Variants in SPTBN2 observed in about 807,000 individuals in gnomAD.
SPTBN2 encodes the protein spectrin beta, non-erythrocytic 2, also known as spectrin beta chain, non-erythrocytic 2.
Under a neutral mutation model 284.2 loss-of-function variants are expected in SPTBN2, and 107 were observed. That is an observed-to-expected ratio of 0.38 (90% CI 0.32 to 0.44). SPTBN2 has a LOEUF of 0.44. Among genes scored for constraint, SPTBN2 ranks in the 20% least tolerant of loss-of-function variants. SPTBN2 has a pLI of 1.00. For synonymous variants in SPTBN2, 1,289 were observed against 1,354.8 expected, an observed-to-expected ratio of 0.95 and a Z score of 1.07; for missense variants, 2,569 against 3,287.1, an observed-to-expected ratio of 0.78 and a Z score of 5.34.
At chr11:66,719,058 G>A (rs1014648337) in intron 3 of SPTBN2, among the ~76,000 whole-genome samples, 1 of 152,270 alleles carries the variant, frequency 6.6e-6, no homozygotes, top group Non-Finnish European at 1.5e-5. Context: ...GGAACAGCGA[G>A]GGCGACCCCT....
rs1942074456 is a variant in SPTBN2, at chr11:66,715,058, G to C, written c.483+164C>G. On this transcript the variant is annotated intron_variant, in intron 5 of 37. Transcript: ENST00000533211. This position sits in a 1 kb window ranked among gnomAD's most constrained non-coding sequence, Gnocchi z 5.3. ...GCTGGTTTCTACCCTGCTGAAAGAG[G>C]GGAGTCCACTGATCTGGTGCTTGGA... Among the ~76,000 whole-genome samples, 1 of 152,220 alleles carries C rather than the reference G, an allele frequency of 6.6e-6. No homozygotes were observed. Among genetic ancestry groups the C allele is most frequent in the Non-Finnish European group, 1.5e-5 (1 of 68,054 alleles).
chr11:66,739,283 G>C (rs1942878598), intron 1 of SPTBN2, among the ~76,000 whole-genome samples: 1 of 152,144 alleles, frequency 6.6e-6, no homozygotes, highest in Non-Finnish European at 1.5e-5. Context: ...CTCAACTAAG[G>C]TTCCAGAAAA....
At chr11:66,735,332 C>CAA (rs550747095) in intron 1 of SPTBN2, among the ~76,000 whole-genome samples, 1 of 112,290 alleles carries the variant, frequency 8.9e-6, no homozygotes, top group African/African-American at 3.3e-5. Flanking sequence ...GACACCGTCT[C>CAA]AAAAAAAAAA....
rs577075100 is a variant in SPTBN2, at chr11:66,704,586, T to G, written c.2678+12A>C. 2.2e-4 allele frequency: 328 copies of G among 1,485,994 alleles called. 2 individuals carry two copies. In the South Asian group the frequency reaches 3.5e-3, roughly 16 times the overall value. The allele number at this position is 1,485,994 out of a possible 1,614,324, so 92.1% of individuals were successfully genotyped here. A position where few individuals can be genotyped will look rare whatever the true frequency, so the allele number is the denominator to read the frequency against. Reference sequence around the variant, plus strand: ...CCCAAGGCTGGTCCCACTAGGAGCCTGAGGGGCCTACCTCTGCTGCACGAC... The same window carrying G: ...CCCAAGGCTGGTCCCACTAGGAGCCGGAGGGGCCTACCTCTGCTGCACGAC... On this transcript the variant is annotated intron_variant, in intron 15 of 37. Transcript: ENST00000533211.
At chr11:66,732,046 G>A (rs575119017), upstream of SPTBN2, among the ~76,000 whole-genome samples, 11 of 152,304 alleles carry the variant, frequency 7.2e-5, no homozygotes, top group South Asian at 2.3e-3. Context: ...AATATGAGAA[G>A]CATTAACCAG....
At chr11:66,723,596 G>A (rs1942512609) in intron 1 of SPTBN2, among the ~76,000 whole-genome samples, 1 of 152,186 alleles carries the variant, frequency 6.6e-6, no homozygotes. Context: ...TTAATGAGAT[G>A]CAAGAGAGCT....
intron 1 of SPTBN2, among the ~76,000 whole-genome samples, chr11:66,740,676 G>A (rs1455132843): frequency 6.6e-6 from 1 of 152,190 alleles, no homozygotes; most frequent in Non-Finnish European, 1.5e-5. Context: ...CTTTGCTCAG[G>A]ACCCGAGAGA....
intron 1 of SPTBN2, among the ~76,000 whole-genome samples, chr11:66,734,484 G>T (rs139271179): frequency 6.6e-6 from 1 of 152,080 alleles, no homozygotes; most frequent in Non-Finnish European, 1.5e-5. Flanking sequence ...AGTTTCCCCA[G>T]TGTTTATGGG....
Position 66,707,973 on chromosome 11 carries a change from C to A in SPTBN2, c.1351-155G>T, listed in dbSNP as rs778305372. ...CCACCCCCATCCTGTCTCACCAACC[C>A]TCTCTCCTGTCCCACCCTCTGGCCC... is the stretch of plus-strand genomic sequence containing the variant. On this transcript the variant is annotated intron_variant, in intron 12 of 37. Coordinates refer to ENST00000533211, the MANE Select transcript of SPTBN2 (RefSeq NM_006946.4). The surrounding 1 kb of genome is among the most constrained non-coding windows in gnomAD (Gnocchi z 4.9). Among the ~76,000 whole-genome samples, 1 of 152,196 alleles carries A rather than the reference C, an allele frequency of 6.6e-6. No individual in the cohort carries two copies. The highest frequency in any genetic ancestry group is 1.5e-5 in the Non-Finnish European group (1 of 68,028).
At position 66,687,433 on chromosome 11, in the gene SPTBN2, G is replaced by A. The variant is rs748655094; in HGVS notation, c.6716C>T (p.Ala2239Val). 1 of 1,605,906 alleles carries A rather than the reference G, an allele frequency of 6.2e-7. No homozygotes were observed. The highest frequency in any genetic ancestry group is 1.7e-5 in the Admixed American group (1 of 60,026). Residue 2239 changes from alanine to valine, a missense_variant, in exon 35 of 38, where the codon GCC becomes GTC. Ala to Val is a moderately conservative substitution (Grantham distance 64). Coordinates refer to ENST00000533211, the MANE Select transcript of SPTBN2 (RefSeq NM_006946.4). The surrounding 1 kb of genome is among the most constrained non-coding windows in gnomAD (Gnocchi z 5.2). ...GGCTCCAGAGAGGCTGTACCTGTTG[G>A]CAGCCTTCTTCCCGAAGGCCTCCAT... ...QEMEAFGKKA[A>V]NRSWQNVYCV...
upstream of SPTBN2, among the ~76,000 whole-genome samples, chr11:66,732,465 C>G (rs976882147): frequency 1.3e-5 from 2 of 152,052 alleles, no homozygotes; most frequent in South Asian, 2.1e-4. Context: ...CTGGCTAACA[C>G]AGTGAAACCC....
chr11:66,698,590 C>G (rs376909446), intron 20 of SPTBN2, 49 bp downstream of exon 20: 1 of 1,613,496 alleles, frequency 6.2e-7, no homozygotes, highest in Non-Finnish European at 8.5e-7. Flanking sequence ...GGCCCTCCCC[C>G]GTACCATGGG....
upstream of SPTBN2, among the ~76,000 whole-genome samples, chr11:66,731,370 C>T (rs563754045): frequency 4.6e-5 from 7 of 152,228 alleles, no homozygotes; most frequent in South Asian, 1.2e-3. Flanking sequence ...GTTGCAAAAG[C>T]GAATGGAATG....
chr11:66,705,631 T>C (rs1941502512), intron 14 of SPTBN2, 53 bp downstream of exon 14: 1 of 1,606,344 alleles, frequency 6.2e-7, no homozygotes. Flanking sequence ...CCTCGGCTCT[T>C]GATGTGCTCC....
Position 66,710,475 on chromosome 11 carries a change from A to T in SPTBN2, c.1073+107T>A, listed in dbSNP as rs754546057. 2.7e-6 allele frequency: 3 copies of T among 1,118,680 alleles called. No homozygotes were observed. Among genetic ancestry groups the T allele is most frequent in the Non-Finnish European group, 3.9e-6 (3 of 762,116 alleles). 69.3% of individuals were successfully genotyped at this position (1,118,680 alleles called of 1,614,324 possible). ...GATGCTTCTGGTGTGGGAAATCTCC[A>T]CTGCATTTATGTACTGCCAAATTTC... On this transcript the variant is annotated intron_variant, in intron 10 of 37. Transcript: ENST00000533211. The surrounding 1 kb of genome is among the most constrained non-coding windows in gnomAD (Gnocchi z 4.9).
At chr11:66,730,081 C>T (rs1176162090), upstream of SPTBN2, among the ~76,000 whole-genome samples, 1 of 152,006 alleles carries the variant, frequency 6.6e-6, no homozygotes, top group South Asian at 2.1e-4. Context: ...GGATTACAGA[C>T]GTGAGCTGCC....
Position 66,701,052 on chromosome 11 carries a change from C to T in SPTBN2, c.3047G>A (p.Gly1016Asp). The change falls in exon 17 of 38, where the codon GGC becomes GAC. Residue 1016 changes from glycine to aspartate, a missense_variant. Coordinates refer to ENST00000533211, the MANE Select transcript of SPTBN2 (RefSeq NM_006946.4). ...RDLEAIAARV[G>D]ELTREANALA... ...GGCATTTGCCTCTCGAGTCAGTTCG[C>T]CCACCCGGGCGGCGATGGCCTCCAG... 4.3e-6 allele frequency: 7 copies of T among 1,609,894 alleles called. No individual in the cohort carries two copies. Among genetic ancestry groups the T allele is most frequent in the Non-Finnish European group, 5.9e-6 (7 of 1,179,814 alleles).
intron 1 of SPTBN2, among the ~76,000 whole-genome samples, chr11:66,738,088 G>A (rs1047275973): frequency 6.6e-6 from 1 of 152,108 alleles, no homozygotes. Flanking sequence ...GGTGGCAAAT[G>A]CCTATAATCC....
At chr11:66,725,769 C>T (rs547710829) in intron 1 of SPTBN2, among the ~76,000 whole-genome samples, 55 of 152,322 alleles carry the variant, frequency 3.6e-4, no homozygotes, top group African/African-American at 2.4e-5. Context: ...GTACTCCAGG[C>T]GCTGCTGGAG....
Sources: gnomAD v4.1 joint callset for allele counts (sites outside exome capture counted in the v4.1 genomes callset) on GRCh38, gnomAD v4.1.1 for gene constraint, Gnocchi (gnomAD v3.1) non-coding constraint, MANE v1.5 for transcripts, NCBI Gene and HGNC (gene_info 2026-07-23, HGNC 2026-07-21) for gene names.